Variants in RGS22 observed in about 807,000 individuals in gnomAD.
RGS22 encodes regulator of G protein signaling 22, also known as regulator of G-protein signaling 22.
A neutral mutation model predicts 172.9 loss-of-function variants in RGS22; 148 were observed. The observed-to-expected ratio is 0.86, with a 90% CI of 0.75 to 0.98. RGS22 has a LOEUF of 0.98. RGS22 is among the 50% of genes least tolerant of loss of function. The pLI is 0.00. For synonymous variants in RGS22, 458 were observed against 480.2 expected, an observed-to-expected ratio of 0.95 and a Z score of 0.60; for missense variants, 1,347 against 1,440.8, an observed-to-expected ratio of 0.93 and a Z score of 1.05.
At chr8:100,058,260 G>A (rs1809814941) in intron 9 of RGS22, among the ~76,000 whole-genome samples, 1 of 151,202 alleles carries the variant, frequency 6.6e-6, no homozygotes, top group Non-Finnish European at 1.5e-5. Context: ...AGAGGAGGTA[G>A]AAAAGAGATA....
chr8:100,010,874 G>A (rs899050386), intron 14 of RGS22, among the ~76,000 whole-genome samples: 5 of 151,122 alleles, frequency 3.3e-5, no homozygotes. Context: ...GAACTCCTGG[G>A]CTCAAGCAAT....
chr8:99,974,814 T>C (rs1259321907), intron 23 of RGS22, among the ~76,000 whole-genome samples: 1 of 148,998 alleles, frequency 6.7e-6, no homozygotes. Flanking sequence ...AAAAAATGGA[T>C]ATAATTATGT....
At chr8:99,967,992 C>A (rs912063729) in intron 23 of RGS22, among the ~76,000 whole-genome samples, 1 of 152,200 alleles carries the variant, frequency 6.6e-6, no homozygotes, top group Admixed American at 6.5e-5. Flanking sequence ...ATCCAAGTGG[C>A]ATCAGGCAAG....
chr8:100,061,324 T>A (rs1810118359), intron 9 of RGS22, among the ~76,000 whole-genome samples: 2 of 152,104 alleles, frequency 1.3e-5, no homozygotes, highest in Admixed American at 1.3e-4. Context: ...CTATCTAAAC[T>A]AAAGAGCTTC....
intron 2 of RGS22, among the ~76,000 whole-genome samples, chr8:100,098,866 ATTTTATTTTAT>A (rs1449911320): frequency 0.037 from 190 of 5,152 alleles, 11 homozygotes; most frequent in African/African-American, 0.11. Context: ...TATTTTATTT[ATTTTATTTTAT>A]TTTATTTTAT....
chr8:100,067,720 G>A (rs895456688), intron 6 of RGS22, among the ~76,000 whole-genome samples: 2 of 150,730 alleles, frequency 1.3e-5, no homozygotes, highest in African/African-American at 2.5e-5. Context: ...TGCCTACTGG[G>A]TTCAAGCAAT....
At chr8:99,962,546 TCTC>T in intron 26 of RGS22, 103 bp from the exon 27 acceptor site, 1 of 1,440,640 alleles carries the variant, frequency 6.9e-7, no homozygotes, top group Non-Finnish European at 9.7e-7. Flanking sequence ...ACGGAGAAAT[TCTC>T]CTAAGTTGGG....
chr8:99,986,898 T>C (rs1465901191), intron 21 of RGS22, among the ~76,000 whole-genome samples: 2 of 152,182 alleles, frequency 1.3e-5, no homozygotes, highest in Non-Finnish European at 2.9e-5. Context: ...ATATGTACAG[T>C]ACATTTAAGA....
At chr8:100,098,086 T>C (rs771705268) in intron 2 of RGS22, among the ~76,000 whole-genome samples, 1 of 152,186 alleles carries the variant, frequency 6.6e-6, no homozygotes, top group Admixed American at 6.5e-5. Context: ...TCTTTTTTCT[T>C]CTCCAGAAGT....
chr8:100,046,611 T>C (rs1820746708), intron 11 of RGS22: 1 of 148,312 alleles, frequency 6.7e-6, no homozygotes, highest in African/African-American at 2.5e-5. Context: ...CAATCTCAGG[T>C]AGAAGGCAAC....
chr8:99,964,862 G>A (rs955516944), intron 24 of RGS22, among the ~76,000 whole-genome samples: 3 of 152,174 alleles, frequency 2.0e-5, no homozygotes, highest in Admixed American at 6.5e-5. Context: ...GGAAGTAACA[G>A]TAATGTACTA....
intron 12 of RGS22, 42 bp downstream of exon 12, chr8:100,041,760 T>C (rs1399496603): frequency 1.9e-6 from 2 of 1,063,178 alleles, no homozygotes; most frequent in Middle Eastern, 2.1e-4. Flanking sequence ...TACTGATCAG[T>C]TAAATGAAGA....
chr8:100,017,497 CAATAA>C (rs1416321841), intron 14 of RGS22, among the ~76,000 whole-genome samples: 2 of 152,032 alleles, frequency 1.3e-5, no homozygotes, highest in African/African-American at 4.8e-5. Context: ...TTAGCCCATA[CAATAA>C]AATTATAGTA....
Position 100,039,926 on chromosome 8 carries a change from A to T in RGS22, c.2064+36T>A, listed in dbSNP as rs553751388. The T allele has an allele frequency of 1.0e-5, 13 of 1,279,884 alleles. 1 individual carries two copies. The East Asian group carries it at 2.0e-4, about 20-fold the overall frequency. The allele number at this position is 1,279,884 out of a possible 1,614,324, so 79.3% of individuals were successfully genotyped here. On this transcript the variant is annotated intron_variant, in intron 13 of 27. Coordinates refer to ENST00000360863, the MANE Select transcript of RGS22 (RefSeq NM_015668.5). ...GATGTCTCATTTTTAAATGAAGTAAAATTATAAAATTAAATTTTAAATAAT... is the reference window on the plus strand; with the variant it reads ...GATGTCTCATTTTTAAATGAAGTAATATTATAAAATTAAATTTTAAATAAT...
intron 7 of RGS22, 136 bp from the exon 8 acceptor site, chr8:100,064,179 G>T: frequency 1.6e-6 from 1 of 619,966 alleles, no homozygotes; most frequent in Non-Finnish European, 2.5e-6. Flanking sequence ...TCTTAAGAAG[G>T]ATTCTGGGCC....
In RGS22 at chr8:100,066,303, A is replaced by G; in HGVS notation, c.595-7T>C. 2 of 1,611,370 alleles carry G rather than the reference A, an allele frequency of 1.2e-6. No homozygotes were observed. The highest frequency in any genetic ancestry group is 1.7e-6 in the Non-Finnish European group (2 of 1,177,874). ...TTGTTTGAGTATAGGAAGCCTAGGAAGAAGGGAGCATATTAGTTTAACATA... is the reference window on the plus strand; with the variant it reads ...TTGTTTGAGTATAGGAAGCCTAGGAGGAAGGGAGCATATTAGTTTAACATA... On this transcript the variant is annotated splice_region_variant and splice_polypyrimidine_tract_variant and intron_variant, in intron 6 of 27. Transcript: ENST00000360863.
chr8:100,066,104 T>C, intron 7 of RGS22, 63 bp downstream of exon 7: 1 of 1,533,484 alleles, frequency 6.5e-7, no homozygotes. Flanking sequence ...ACTGTAAAAT[T>C]AGAACAAACA....
intron 14 of RGS22, among the ~76,000 whole-genome samples, chr8:100,028,619 G>T (rs3133688): frequency 6.6e-6 from 1 of 152,124 alleles, no homozygotes; most frequent in Admixed American, 6.5e-5. Flanking sequence ...TCTTGGAAAT[G>T]ATTACAAAAT....
At chr8:99,988,475 A>G (rs1813346870) in intron 20 of RGS22, among the ~76,000 whole-genome samples, 1 of 152,154 alleles carries the variant, frequency 6.6e-6, no homozygotes, top group South Asian at 2.1e-4. Flanking sequence ...CACTAAATAG[A>G]TTTTAATATT....
Sources: gnomAD v4.1 joint callset for allele counts (sites outside exome capture counted in the v4.1 genomes callset) on GRCh38, gnomAD v4.1.1 for gene constraint, MANE v1.5 for transcripts, NCBI Gene and HGNC (gene_info 2026-07-23, HGNC 2026-07-21) for gene names.